The following CA12 variants were observed in gnomAD, a reference collection of about 807,000 sequenced individuals.
CA12 encodes carbonic anhydrase 12, also known as carbonate dehydratase XII.
CA12 carries 36 observed loss-of-function variants against 46.8 expected under a neutral mutation model. The observed-to-expected ratio is 0.77, with a 90% CI of 0.59 to 1.02. The LOEUF is 1.02. CA12 is among the 50% of genes least tolerant of loss of function. CA12 has a pLI of 0.00. For synonymous variants in CA12, 202 were observed against 187.0 expected (o/e 1.08, Z -0.65); for missense variants, 436 against 451.4 (o/e 0.97, Z 0.31).
intron 8 of CA12, among the ~76,000 whole-genome samples, chr15:63,334,884 G>T (rs906151097): frequency 2.6e-5 from 4 of 152,148 alleles, no homozygotes; most frequent in Admixed American, 6.5e-5. Flanking sequence ...CTCTTGGGTT[G>T]GTTTGTTCTG....
In CA12 at chr15:63,326,355, A is replaced by T; in HGVS notation, c.995T>A (p.Ile332Asn). Residue 332 changes from isoleucine to asparagine, a missense_variant and splice_region_variant, in exon 11 of 11, where the codon ATC (isoleucine) becomes AAC (asparagine). Coordinates refer to ENST00000178638, the MANE Select transcript of CA12 (RefSeq NM_001218.5). ...GACTCCCTTGTTATCACCTTTTTTG[A>T]TACTAGAACAGAAAGAACACATAAC... ...VSIWLFRRKS[I>N]KKGDNKGVIY... is the part of the protein sequence containing the mutation. 6.2e-7 allele frequency: 1 copy of T among 1,612,510 alleles called. No individual in the cohort carries two copies. Among genetic ancestry groups the T allele is most frequent in the Admixed American group, 1.7e-5 (1 of 59,992 alleles).
chr15:63,350,821 T>C (rs2039219877), intron 2 of CA12, among the ~76,000 whole-genome samples: 1 of 152,098 alleles, frequency 6.6e-6, no homozygotes, highest in Admixed American at 6.5e-5. Context: ...GCTTGGACAG[T>C]TTACAATTCA....
At position 63,327,560 on chromosome 15, in the gene CA12, G is replaced by A. The variant is rs2038884350; in HGVS notation, c.908-327C>T. Among the ~76,000 whole-genome samples, 1 of 151,646 alleles carries A rather than the reference G, an allele frequency of 6.6e-6. No homozygotes were observed. On this transcript the variant is annotated intron_variant, in intron 9 of 10. Coordinates refer to ENST00000178638, the MANE Select transcript of CA12 (RefSeq NM_001218.5). The surrounding 1 kb of genome is among the most constrained non-coding windows in gnomAD (Gnocchi z 4.5). ...TCAAAGTCAATCTGTTTGGTGCAGG[G>A]CCCGGGAATCTGCATTTTGCCAAAT... is the stretch of plus-strand genomic sequence containing the variant.
intron 1 of CA12, among the ~76,000 whole-genome samples, chr15:63,377,869 TCTC>T (rs1278968504): frequency 6.6e-6 from 1 of 152,222 alleles, no homozygotes; most frequent in African/African-American, 2.4e-5. Flanking sequence ...TCATAGCCCA[TCTC>T]CTCCTTTTGT....
At position 63,373,503 on chromosome 15, in the gene CA12, G is replaced by C. The variant is rs1344619228; in HGVS notation, c.106+2155C>G. Among the ~76,000 whole-genome samples the C allele has an allele frequency of 2.0e-5, 3 of 152,208 alleles. No homozygotes were observed. The highest frequency in any genetic ancestry group is 7.2e-5 in the African/African-American group (3 of 41,446). On this transcript the variant is annotated intron_variant, in intron 2 of 10. Transcript: ENST00000178638. The surrounding 1 kb of genome is among the most constrained non-coding windows in gnomAD (Gnocchi z 4.9). ...TGTGATCTGTGTTTCTATCATACCT[G>C]AGAGGCCAGCAGAAGAGGTGGGGCA... is the stretch of plus-strand genomic sequence containing the variant.
rs936697527 is a variant in CA12, at chr15:63,374,790, G to T, written c.106+868C>A. Among the ~76,000 whole-genome samples, 4 of 152,174 alleles carry T rather than the reference G, an allele frequency of 2.6e-5. No homozygotes were observed. The highest frequency in any genetic ancestry group is 4.4e-5 in the Non-Finnish European group (3 of 68,036). On this transcript the variant is annotated intron_variant, in intron 2 of 10. Coordinates refer to ENST00000178638, the MANE Select transcript of CA12 (RefSeq NM_001218.5). This position sits in a 1 kb window ranked among gnomAD's most constrained non-coding sequence, Gnocchi z 4.4. ...CCGCCCACAGCCATTGCATCCTGTG[G>T]CTTTAACTTTGGCCACAACCCTGCT...
chr15:63,326,046 A>T lies in CA12; in HGVS notation c.*239T>A. The T allele has an allele frequency of 1.8e-6, 1 of 548,212 alleles. No individual in the cohort carries two copies. 34.0% of individuals were successfully genotyped at this position (548,212 alleles called of 1,614,324 possible). A position where few individuals can be genotyped will look rare whatever the true frequency, so the allele number is the denominator to read the frequency against. Reference sequence around the variant, plus strand: ...CTTCACAATCTCACACAGTTACAGCAAGCAGCTTTGAATTCCTGCTGCTTG... The same window carrying T: ...CTTCACAATCTCACACAGTTACAGCTAGCAGCTTTGAATTCCTGCTGCTTG... On this transcript the variant is annotated 3_prime_UTR_variant, in exon 11 of 11. Transcript: ENST00000178638.
rs1318495819 is a variant in CA12 at position 63,373,415 on chromosome 15, C to T, written c.106+2243G>A. Reference sequence around the variant, plus strand: ...TTCACACAATGTCTCTGTTCCCTGTCGCCATCTCATTCTGCCCAGGAGGGC... The same window carrying T: ...TTCACACAATGTCTCTGTTCCCTGTTGCCATCTCATTCTGCCCAGGAGGGC... On this transcript the variant is annotated intron_variant, in intron 2 of 10. Coordinates refer to ENST00000178638, the MANE Select transcript of CA12 (RefSeq NM_001218.5). The surrounding 1 kb of genome is among the most constrained non-coding windows in gnomAD (Gnocchi z 4.9). 1.3e-5 allele frequency among the ~76,000 whole-genome samples: 2 copies of T among 151,890 alleles called. No homozygotes were observed. Among genetic ancestry groups the T allele is most frequent in the Admixed American group, 1.3e-4 (2 of 15,224 alleles).
chr15:63,381,796 C>G lies in CA12; in HGVS notation c.-76G>C. The G allele has an allele frequency of 1.0e-6, 1 of 992,764 alleles. No individual in the cohort carries two copies. Among genetic ancestry groups the G allele is most frequent in the South Asian group, 2.1e-5 (1 of 47,602 alleles). The allele number at this position is 992,764 out of a possible 1,614,324, so 61.5% of individuals were successfully genotyped here. A position where few individuals can be genotyped will look rare whatever the true frequency, so the allele number is the denominator to read the frequency against. ...GGCCGCTCGCTCTCCAGCTGCACAC[C>G]GGGACCGCGTGCGCGCAGCCTGGGT... On this transcript the variant is annotated 5_prime_UTR_variant, in exon 1 of 11. Transcript: ENST00000178638.
intron 8 of CA12, among the ~76,000 whole-genome samples, chr15:63,333,041 A>C (rs944314682): frequency 2.6e-5 from 4 of 152,258 alleles, no homozygotes; most frequent in African/African-American, 9.6e-5. Context: ...TTCTGGCTGC[A>C]CTGAGGGAGA....
rs567135032 is a variant in CA12, at chr15:63,328,845, C to T, written c.875-715G>A. Among the ~76,000 whole-genome samples the T allele has an allele frequency of 6.6e-5, 10 of 152,258 alleles. No homozygotes were observed. In the East Asian group the frequency reaches 1.5e-3, roughly 24 times the overall value. The stretch of plus-strand genomic sequence containing the variant: ...CCTCCCGAGCAGCTGGGACTGCAGG[C>T]GTGCACCACAACGCTTGGCTAATTT... On this transcript the variant is annotated intron_variant, in intron 8 of 10. Coordinates refer to ENST00000178638, the MANE Select transcript of CA12 (RefSeq NM_001218.5). The surrounding 1 kb of genome is among the most constrained non-coding windows in gnomAD (Gnocchi z 5.9).
At chr15:63,365,519 C>A (rs1053524746) in intron 2 of CA12, among the ~76,000 whole-genome samples, 4 of 152,332 alleles carry the variant, frequency 2.6e-5, no homozygotes, top group South Asian at 4.1e-4. Flanking sequence ...ACATGAGCTT[C>A]CCCTCCCCTG....
chr15:63,361,370 T>C (rs2039361269), intron 2 of CA12, among the ~76,000 whole-genome samples: 1 of 152,236 alleles, frequency 6.6e-6, no homozygotes, highest in Non-Finnish European at 1.5e-5. Flanking sequence ...ACCTGTGATG[T>C]TATTTTAGAC....
chr15:63,379,302 G>T (rs1415363098), intron 1 of CA12, among the ~76,000 whole-genome samples: 2 of 152,150 alleles, frequency 1.3e-5, no homozygotes, highest in Non-Finnish European at 2.9e-5. Context: ...AGTCAAGGGG[G>T]TTCATCGGGT....
At chr15:63,338,268 C>T (rs184823136) in intron 8 of CA12, among the ~76,000 whole-genome samples, 37 of 152,324 alleles carry the variant, frequency 2.4e-4, no homozygotes, top group African/African-American at 8.7e-4. Flanking sequence ...GACAAAAATG[C>T]AGTGCACAAG....
chr15:63,358,309 T>C (rs1447088192), intron 2 of CA12, among the ~76,000 whole-genome samples: 1 of 152,246 alleles, frequency 6.6e-6, no homozygotes, highest in Non-Finnish European at 1.5e-5. Context: ...AAGGCTATTA[T>C]TTGTGACAAG....
At chr15:63,377,854 T>C (rs142019273) in intron 1 of CA12, among the ~76,000 whole-genome samples, 7 of 152,370 alleles carry the variant, frequency 4.6e-5, no homozygotes, top group African/African-American at 1.4e-4. Flanking sequence ...ATCTCTTTCT[T>C]ACACTCATAG....
In CA12 at chr15:63,327,456, A is replaced by C. The variant is rs2038882348; in HGVS notation, c.908-223T>G. Among the ~76,000 whole-genome samples the C allele has an allele frequency of 6.6e-6, 1 of 151,474 alleles. No individual in the cohort carries two copies. On this transcript the variant is annotated intron_variant, in intron 9 of 10. Coordinates refer to ENST00000178638, the MANE Select transcript of CA12 (RefSeq NM_001218.5). The surrounding 1 kb of genome is among the most constrained non-coding windows in gnomAD (Gnocchi z 4.5). ...TAGTGGTTTTCCAGCAGATGCTCTC[A>C]AACTTACACAAGGGTCATCTGAAGA... is the stretch of plus-strand genomic sequence containing the variant.
At chr15:63,359,599 C>T (rs866207575) in intron 2 of CA12, among the ~76,000 whole-genome samples, 1 of 152,058 alleles carries the variant, frequency 6.6e-6, no homozygotes, top group African/African-American at 2.4e-5. Context: ...AAATAAAAAT[C>T]GAGGGACATT....
Sources: gnomAD v4.1 joint callset for allele counts (sites outside exome capture counted in the v4.1 genomes callset) on GRCh38, gnomAD v4.1.1 for gene constraint, Gnocchi (gnomAD v3.1) non-coding constraint, MANE v1.5 for transcripts, NCBI Gene and HGNC (gene_info 2026-07-23, HGNC 2026-07-21) for gene names.